Variants in PRKG1 observed in about 807,000 individuals in gnomAD.
PRKG1 encodes cGMP-dependent protein kinase 1.
PRKG1 carries 35 observed loss-of-function variants against 88.1 expected under a neutral mutation model. The ratio of observed to expected loss-of-function variants is 0.40; its 90% confidence interval spans 0.30 to 0.53. The LOEUF is 0.53. Among genes scored for constraint, PRKG1 ranks in the 20% least tolerant of loss-of-function variants. The probability of loss-of-function intolerance (pLI) is 0.59; values close to 1 mark genes in which losing one functional copy is unlikely to be tolerated. For synonymous variants in PRKG1, 303 were observed against 292.5 expected (o/e 1.04, Z -0.37); for missense variants, 540 against 839.8 (o/e 0.64, Z 4.41).
chr10:51,725,574 G>A (rs909098629), intron 3 of PRKG1, among the ~76,000 whole-genome samples: 3 of 151,770 alleles, frequency 2.0e-5, no homozygotes, highest in Non-Finnish European at 4.4e-5. Flanking sequence ...AGATTCGATA[G>A]AGCATGCTTA....
At chr10:52,171,786 A>ATTTTTTTTTTTTTTTTTTTT (rs545195374) in intron 9 of PRKG1, among the ~76,000 whole-genome samples, 6 of 93,860 alleles carry the variant, frequency 6.4e-5, no homozygotes, top group African/African-American at 2.6e-4. Flanking sequence ...TTTTATCAAA[A>ATTTTTTTTTTTTTTTTTTTT]TTTTTTTTTT....
intron 7 of PRKG1, among the ~76,000 whole-genome samples, chr10:52,088,878 C>G (rs1320734745): frequency 6.6e-6 from 1 of 152,070 alleles, no homozygotes; most frequent in African/African-American, 2.4e-5. Flanking sequence ...GCACACTGAC[C>G]CTCCTAATCA....
chr10:51,606,003 C>G (rs191359639), intron 3 of PRKG1, among the ~76,000 whole-genome samples: 10 of 152,054 alleles, frequency 6.6e-5, no homozygotes, highest in African/African-American at 2.4e-4. Context: ...CTAGCTAACA[C>G]GACACCTGGT....
intron 1 of PRKG1, among the ~76,000 whole-genome samples, chr10:51,152,418 T>C (rs189884317): frequency 6.2e-4 from 95 of 152,210 alleles, no homozygotes; most frequent in African/African-American, 2.2e-3. Context: ...AACTGTTGCA[T>C]TTCTACCAGT....
chr10:51,620,576 C>T lies in PRKG1; in HGVS notation c.592+152740C>T, dbSNP rs188830460. Among the ~76,000 whole-genome samples the T allele has an allele frequency of 1.5e-3, 232 of 152,126 alleles. 3 individuals are homozygous for T. The highest frequency in any genetic ancestry group is 1.5e-3 in the East Asian group (8 of 5,166). ...CAGGCCATTGTTAAACATTATACAT[C>T]GTTGTGTAATTTCTAGGGCCAGTGT... is the stretch of plus-strand genomic sequence containing the variant. On this transcript the variant is annotated intron_variant, in intron 3 of 17. Transcript: ENST00000373980.
chr10:52,148,186 A>G (rs534531825), intron 8 of PRKG1, among the ~76,000 whole-genome samples: 2 of 152,146 alleles, frequency 1.3e-5, no homozygotes, highest in Admixed American at 1.3e-4. Context: ...TCACTTATGT[A>G]TTCTCATCTA....
chr10:51,945,994 T>C (rs962037288), intron 5 of PRKG1, among the ~76,000 whole-genome samples: 3 of 151,338 alleles, frequency 2.0e-5, no homozygotes, highest in African/African-American at 7.3e-5. Context: ...TGAATCTGAA[T>C]GTTGGCCTGC....
chr10:51,692,145 G>T (rs1221702055), intron 3 of PRKG1, among the ~76,000 whole-genome samples: 1 of 152,010 alleles, frequency 6.6e-6, no homozygotes, highest in African/African-American at 2.4e-5. Context: ...TCACTATATT[G>T]ATTAACATGA....
At chr10:51,225,182 T>C (rs1032739044) in intron 2 of PRKG1, among the ~76,000 whole-genome samples, 1 of 152,188 alleles carries the variant, frequency 6.6e-6, no homozygotes, top group African/African-American at 2.4e-5. Flanking sequence ...TAGTGTCTGG[T>C]GAAGGCCCCC....
At chr10:51,107,191 G>C (rs1035917882) in intron 1 of PRKG1, among the ~76,000 whole-genome samples, 18 of 152,142 alleles carry the variant, frequency 1.2e-4, no homozygotes, top group African/African-American at 4.3e-4. Context: ...GTGTACATGA[G>C]GGCCAGCAGG....
chr10:51,193,017 T>G (rs901562633), intron 2 of PRKG1, among the ~76,000 whole-genome samples: 2 of 152,044 alleles, frequency 1.3e-5, no homozygotes, highest in Non-Finnish European at 2.9e-5. Flanking sequence ...AAAGCTAAAG[T>G]CAGGGTTCTC....
rs1383252889 is a variant in PRKG1, at chr10:52,193,560, A to AACC, written c.1076+31598_1076+31599insCCA. On this transcript the variant is annotated intron_variant, in intron 9 of 17. Transcript: ENST00000373980. ...TGAGACTCTGTCTCAAAAAAAAAAAAAACAAAAAAAAAAAACAAAAAAAAA... is the reference window on the plus strand; with the variant it reads ...TGAGACTCTGTCTCAAAAAAAAAAAAACCAACAAAAAAAAAAAACAAAAAAAAA... Among the ~76,000 whole-genome samples, 18 of 29,744 alleles carry AACC rather than the reference A, an allele frequency of 6.1e-4. No homozygotes were observed. In the Admixed American group the frequency reaches 7.4e-3, roughly 12 times the overall value. 19.5% of individuals were successfully genotyped at this position (29,744 alleles called of 152,430 possible).
At chr10:51,275,110 T>C (rs774204468) in intron 2 of PRKG1, among the ~76,000 whole-genome samples, 1 of 152,260 alleles carries the variant, frequency 6.6e-6, no homozygotes, top group African/African-American at 2.4e-5. Context: ...GAATTTGAGG[T>C]TCTCTAAGAG....
chr10:51,270,103 C>T (rs61852060), intron 2 of PRKG1, among the ~76,000 whole-genome samples: 17,009 of 152,068 alleles, frequency 0.11, 1,321 homozygotes, highest in African/African-American at 0.22. Context: ...CTGTCCTTGG[C>T]ATTCTTGTTT....
intron 9 of PRKG1, among the ~76,000 whole-genome samples, chr10:52,176,047 C>G (rs116155599): frequency 1.3e-5 from 2 of 151,742 alleles, no homozygotes; most frequent in Non-Finnish European, 2.9e-5. Context: ...GTTTTTGAGG[C>G]CTTATTCAAA....
intron 3 of PRKG1, among the ~76,000 whole-genome samples, chr10:51,557,116 A>AGCTTC (rs1450004563): frequency 6.6e-6 from 1 of 151,790 alleles, no homozygotes; most frequent in Non-Finnish European, 1.5e-5. Context: ...TCTTTCTTCC[A>AGCTTC]GCTTCTTTTT....
chr10:52,034,527 C>T (rs957572021), intron 5 of PRKG1, among the ~76,000 whole-genome samples: 6 of 151,860 alleles, frequency 4.0e-5, no homozygotes, highest in African/African-American at 1.5e-4. Flanking sequence ...TATAAAAGGT[C>T]TAAGAATTGG....
At chr10:52,215,923 A>T (rs1202073173) in intron 9 of PRKG1, among the ~76,000 whole-genome samples, 2 of 152,160 alleles carry the variant, frequency 1.3e-5, no homozygotes, top group East Asian at 3.9e-4. Context: ...GAAGGCAAAC[A>T]TTGTACTTTT....
At chr10:52,250,426 T>C (rs1461547168) in intron 9 of PRKG1, among the ~76,000 whole-genome samples, 1 of 152,210 alleles carries the variant, frequency 6.6e-6, no homozygotes, top group Non-Finnish European at 1.5e-5. Context: ...GTGGAGAGTC[T>C]AAATTTGTGT....
Sources: gnomAD v4.1 joint callset for allele counts (sites outside exome capture counted in the v4.1 genomes callset) on GRCh38, gnomAD v4.1.1 for gene constraint, MANE v1.5 for transcripts, NCBI Gene and HGNC (gene_info 2026-07-23, HGNC 2026-07-21) for gene names.